CNTN4: variants seen among roughly 807,000 people sequenced by gnomAD.
CNTN4 encodes the protein contactin 4.
A neutral mutation model predicts 122.5 loss-of-function variants in CNTN4; 77 were observed. That is an observed-to-expected ratio of 0.63 (90% CI 0.52 to 0.76). The LOEUF (loss-of-function observed/expected upper bound fraction) is 0.76. Among genes scored for constraint, CNTN4 ranks in the 30% least tolerant of loss-of-function variants. The pLI, the probability that CNTN4 is intolerant of heterozygous loss-of-function variation, is 0.00. For missense variants in CNTN4, 1,256 were observed against 1,259.1 expected (o/e 1.00, Z 0.04); for synonymous variants, 512 against 447.0 (o/e 1.15, Z -1.83).
At chr3:2,301,508 A>C (rs1281961955) in intron 2 of CNTN4, among the ~76,000 whole-genome samples, 1 of 152,226 alleles carries the variant, frequency 6.6e-6, no homozygotes, top group African/African-American at 2.4e-5. Flanking sequence ...CCCAGACCAC[A>C]GAATTCTTGT....
intron 3 of CNTN4, among the ~76,000 whole-genome samples, chr3:2,442,948 A>G (rs1411202858): frequency 1.3e-5 from 2 of 152,148 alleles, no homozygotes; most frequent in East Asian, 3.8e-4. Context: ...TAATTTACTT[A>G]TGAGAAGTAA....
At chr3:2,865,037 T>C (rs1457013123) in intron 7 of CNTN4, among the ~76,000 whole-genome samples, 1 of 152,170 alleles carries the variant, frequency 6.6e-6, no homozygotes, top group Non-Finnish European at 1.5e-5. Context: ...ATAGTACTTC[T>C]TCACAATGTA....
intron 4 of CNTN4, among the ~76,000 whole-genome samples, chr3:2,630,681 C>T (rs74334533): frequency 1.9e-4 from 29 of 149,756 alleles, no homozygotes; most frequent in African/African-American, 6.7e-4. Flanking sequence ...TATGGTATAT[C>T]CCTATCTGTT....
intron 2 of CNTN4, among the ~76,000 whole-genome samples, chr3:2,302,844 T>A (rs975494123): frequency 1.3e-5 from 2 of 148,158 alleles, no homozygotes; most frequent in African/African-American, 5.1e-5. Flanking sequence ...TACCTAGCAA[T>A]GCCAAGCACA....
At chr3:2,844,118 T>G (rs1202559004) in intron 7 of CNTN4, among the ~76,000 whole-genome samples, 1 of 152,192 alleles carries the variant, frequency 6.6e-6, no homozygotes, top group Non-Finnish European at 1.5e-5. Flanking sequence ...TCCCATGCCT[T>G]GAATGTGAGT....
intron 3 of CNTN4, among the ~76,000 whole-genome samples, chr3:2,507,819 C>G (rs2076776254): frequency 6.6e-6 from 1 of 151,216 alleles, no homozygotes; most frequent in African/African-American, 2.4e-5. Flanking sequence ...CAGTTCTCCC[C>G]CAAAAATTAA....
intron 6 of CNTN4, among the ~76,000 whole-genome samples, chr3:2,773,459 A>T (rs1374286430): frequency 6.6e-6 from 1 of 152,146 alleles, no homozygotes; most frequent in East Asian, 1.9e-4. Context: ...GGAATCCAAC[A>T]TTCTTACGGG....
At chr3:2,923,217 T>C (rs1473854117) in intron 12 of CNTN4, among the ~76,000 whole-genome samples, 2 of 152,204 alleles carry the variant, frequency 1.3e-5, no homozygotes, top group Non-Finnish European at 2.9e-5. Context: ...AAATTATATG[T>C]GTAGAAAGAT....
chr3:2,771,298 A>C (rs955277739), intron 6 of CNTN4, among the ~76,000 whole-genome samples: 2 of 152,218 alleles, frequency 1.3e-5, no homozygotes, highest in Non-Finnish European at 2.9e-5. Flanking sequence ...TAAATACTCT[A>C]CAACATGGGA....
intron 13 of CNTN4, among the ~76,000 whole-genome samples, chr3:2,977,118 T>G (rs945207946): frequency 6.6e-5 from 10 of 152,208 alleles, no homozygotes; most frequent in African/African-American, 2.4e-4. Context: ...TCCTTCTACA[T>G]TGTGACTATT....
intron 2 of CNTN4, chr3:2,238,969 C>A (rs1218914585): frequency 6.7e-5 from 10 of 148,568 alleles, no homozygotes; most frequent in African/African-American, 2.5e-4. Flanking sequence ...TCGTGATCCG[C>A]CCGCCTCGGC....
intron 2 of CNTN4, among the ~76,000 whole-genome samples, chr3:2,150,452 C>T (rs1420485663): frequency 1.3e-5 from 2 of 152,108 alleles, no homozygotes; most frequent in Non-Finnish European, 2.9e-5. Flanking sequence ...AGTATCTTCA[C>T]CCAGTTGTAG....
rs143067560 is a variant in CNTN4 at position 2,371,216 on chromosome 3, A to C, written c.-89+31983A>C. On this transcript the variant is annotated intron_variant, in intron 3 of 24. Transcript: ENST00000418658. ...GTTAACCTTGATATCCCCTGAGGTT[A>C]GGTTCCCACTGCACTTGGAGTAAAG... Among the ~76,000 whole-genome samples, 503 of 152,326 alleles carry C rather than the reference A, an allele frequency of 3.3e-3. 4 individuals are homozygous for C. Among genetic ancestry groups the C allele is most frequent in the Middle Eastern group, 0.01 (3 of 294 alleles).
chr3:2,922,989 T>A (rs766488189), intron 12 of CNTN4, among the ~76,000 whole-genome samples: 17 of 152,352 alleles, frequency 1.1e-4, no homozygotes, highest in Non-Finnish European at 2.1e-4. Context: ...AAAGATTATA[T>A]GCACACCAAT....
chr3:2,580,536 C>A (rs1309339853), intron 4 of CNTN4, among the ~76,000 whole-genome samples: 1 of 152,140 alleles, frequency 6.6e-6, no homozygotes, highest in African/African-American at 2.4e-5. Context: ...CATTTTCCAC[C>A]ATAATCTTCC....
chr3:2,652,430 C>A (rs2083404006), intron 4 of CNTN4, among the ~76,000 whole-genome samples: 1 of 152,294 alleles, frequency 6.6e-6, no homozygotes, highest in South Asian at 2.1e-4. Flanking sequence ...TAAACAGACA[C>A]CTCTCTCCCA....
At chr3:2,764,324 C>G (rs1390052940) in intron 6 of CNTN4, among the ~76,000 whole-genome samples, 1 of 152,130 alleles carries the variant, frequency 6.6e-6, no homozygotes, top group Non-Finnish European at 1.5e-5. Context: ...AGAAAAACTT[C>G]ACTAAGAAAA....
intron 3 of CNTN4, among the ~76,000 whole-genome samples, chr3:2,519,990 A>G (rs371928681): frequency 1.8e-4 from 27 of 152,128 alleles, no homozygotes; most frequent in African/African-American, 5.5e-4. Flanking sequence ...AAGGATTCCT[A>G]CAAGGCTTTT....
intron 2 of CNTN4, among the ~76,000 whole-genome samples, chr3:2,267,960 G>A (rs933960097): frequency 6.6e-6 from 1 of 152,086 alleles, no homozygotes; most frequent in African/African-American, 2.4e-5. Flanking sequence ...GTAATGAGAA[G>A]TGATCATATT....
Sources: allele counts gnomAD v4.1 joint callset (sites outside exome capture counted in the v4.1 genomes callset), GRCh38; gene constraint gnomAD v4.1.1; transcripts MANE v1.5; gene names NCBI Gene and HGNC (gene_info 2026-07-23, HGNC 2026-07-21).